The following STRBP variants were observed in gnomAD, a reference collection of about 807,000 sequenced individuals.
STRBP encodes the protein spermatid perinuclear RNA-binding protein.
Under a neutral mutation model 80.1 loss-of-function variants are expected in STRBP, and 13 were observed. The observed-to-expected ratio is 0.16, with a 90% CI of 0.11 to 0.26. STRBP has a LOEUF of 0.26. STRBP is among the 10% of genes least tolerant of loss of function. The pLI is 1.00. For missense variants in STRBP, 485 were observed against 815.2 expected, an observed-to-expected ratio of 0.59 and a Z score of 4.93; for synonymous variants, 284 against 291.2, an observed-to-expected ratio of 0.98 and a Z score of 0.25.
In STRBP at chr9:123,123,451, A is replaced by G. The variant is rs746163296; in HGVS notation, c.*2146T>C. ...AAGGACTGACAGCTCGATTATTTTA[A>G]GTAAAGCAGAGAAATGTAAAAGTTT... On this transcript the variant is annotated 3_prime_UTR_variant, in exon 19 of 19. Transcript: ENST00000348403. The G allele has an allele frequency of 1.4e-4, 134 of 985,278 alleles. No individual in the cohort carries two copies. Among genetic ancestry groups the G allele is most frequent in the Non-Finnish European group, 1.5e-4 (128 of 829,942 alleles). The allele number at this position is 985,278 out of a possible 1,614,324, so 61.0% of individuals were successfully genotyped here.
In STRBP at chr9:123,110,402, C is replaced by T. The variant is rs954139805; in HGVS notation, c.*85-649G>A. On this transcript the variant is annotated intron_variant and NMD_transcript_variant, in intron 3 of 3. Transcript: ENST00000471564. This position sits in a 1 kb window ranked among gnomAD's most constrained non-coding sequence, Gnocchi z 4.1. ...CACTGTTCCTGGAAGTACGATTGCC[C>T]TAATTTATGGTTACCTCAGGAAACC... 4.1e-5 allele frequency: 7 copies of T among 168,952 alleles called. No homozygotes were observed. Among genetic ancestry groups the T allele is most frequent in the African/African-American group, 1.4e-4 (6 of 41,502 alleles). 10.5% of individuals were successfully genotyped at this position (168,952 alleles called of 1,614,324 possible).
intron 2 of STRBP, among the ~76,000 whole-genome samples, chr9:123,231,549 T>C (rs987873935): frequency 6.6e-6 from 1 of 152,212 alleles, no homozygotes; most frequent in African/African-American, 2.4e-5. Flanking sequence ...TTGGCTAGTA[T>C]ACCAATTAAT....
At position 123,124,345 on chromosome 9, in the gene STRBP, A is replaced by G; in HGVS notation, c.*1252T>C. On this transcript the variant is annotated 3_prime_UTR_variant, in exon 19 of 19. Transcript: ENST00000348403. Reference sequence around the variant, plus strand: ...TTAATGAAACCATTGACCTAGTAACATCATTGGCTTTCCAAACAAGGTGAG... The same window carrying G: ...TTAATGAAACCATTGACCTAGTAACGTCATTGGCTTTCCAAACAAGGTGAG... The G allele has an allele frequency of 1.0e-6, 1 of 985,472 alleles. No individual in the cohort carries two copies. The allele number at this position is 985,472 out of a possible 1,614,324, so 61.0% of individuals were successfully genotyped here. A position where few individuals can be genotyped will look rare whatever the true frequency, so the allele number is the denominator to read the frequency against.
At chr9:123,111,416 GAAAAGA>G (rs1210477722) in intron 3 of STRBP, 1 of 308,696 alleles carries the variant, frequency 3.2e-6, no homozygotes, top group African/African-American at 2.3e-5. Flanking sequence ...CATGAACAAG[GAAAAGA>G]AAAAGAGTCT....
intron 4 of STRBP, among the ~76,000 whole-genome samples, chr9:123,176,978 T>C (rs562030204): frequency 6.6e-6 from 1 of 152,328 alleles, no homozygotes; most frequent in South Asian, 2.1e-4. Context: ...AAAAGCTGCC[T>C]AACCGTGCCT....
chr9:123,152,404 T>C (rs934399278), intron 11 of STRBP, among the ~76,000 whole-genome samples: 8 of 152,062 alleles, frequency 5.3e-5, no homozygotes, highest in African/African-American at 1.9e-4. Flanking sequence ...TATATATAAA[T>C]ATACACACGT....
chr9:123,198,416 G>A (rs888095906), intron 2 of STRBP, among the ~76,000 whole-genome samples: 1 of 152,032 alleles, frequency 6.6e-6, no homozygotes, highest in Non-Finnish European at 1.5e-5. Flanking sequence ...GGGATTACAG[G>A]TGTGAGCCAC....
At chr9:123,253,751 T>G (rs889125322) in intron 1 of STRBP, among the ~76,000 whole-genome samples, 1 of 152,246 alleles carries the variant, frequency 6.6e-6, no homozygotes, top group Admixed American at 6.5e-5. Context: ...CACTATTAAA[T>G]AGCATAAGAA....
chr9:123,164,242 TCACCATGTTGGC>T (rs2037655288), intron 6 of STRBP, among the ~76,000 whole-genome samples: 1 of 152,144 alleles, frequency 6.6e-6, no homozygotes, highest in African/African-American at 2.4e-5. Flanking sequence ...AGATGGGGTT[TCACCATGTTGGC>T]CAGACTGGAC....
chr9:123,135,588 A>G (rs1325910041), intron 16 of STRBP, among the ~76,000 whole-genome samples: 2 of 152,158 alleles, frequency 1.3e-5, no homozygotes, highest in Non-Finnish European at 2.9e-5. Context: ...GCCAAATTTT[A>G]TGCGGTCGGC....
intron 5 of STRBP, among the ~76,000 whole-genome samples, chr9:123,173,441 A>G (rs997476268): frequency 2.0e-5 from 3 of 152,158 alleles, no homozygotes; most frequent in African/African-American, 7.2e-5. Context: ...TACAACGGAA[A>G]AGTTTAAGAT....
At chr9:123,150,885 A>G (rs2037028542) in intron 11 of STRBP, among the ~76,000 whole-genome samples, 1 of 152,220 alleles carries the variant, frequency 6.6e-6, no homozygotes, top group African/African-American at 2.4e-5. Flanking sequence ...CAAGGATGAA[A>G]GCCCAGCTTC....
At chr9:123,131,065 G>A (rs1447065297) in intron 17 of STRBP, among the ~76,000 whole-genome samples, 1 of 152,024 alleles carries the variant, frequency 6.6e-6, no homozygotes, top group Non-Finnish European at 1.5e-5. Context: ...AGTGAACTTA[G>A]GATACCCATC....
intron 3 of STRBP, chr9:123,111,291 C>A: frequency 4.1e-6 from 1 of 243,798 alleles, no homozygotes; most frequent in Non-Finnish European, 8.7e-6. Context: ...CACGAGATAC[C>A]CAGAACAGAG....
At chr9:123,169,156 T>A (rs183213878) in intron 6 of STRBP, among the ~76,000 whole-genome samples, 67 of 151,780 alleles carry the variant, frequency 4.4e-4, no homozygotes, top group African/African-American at 1.3e-3. Flanking sequence ...TCAAGAGCAA[T>A]ATGATGCAAA....
chr9:123,230,299 G>A (rs549407550), intron 2 of STRBP, among the ~76,000 whole-genome samples: 35 of 152,242 alleles, frequency 2.3e-4, no homozygotes, highest in African/African-American at 7.5e-4. Flanking sequence ...TCCAGTCTCC[G>A]AGCAGCAACT....
chr9:123,147,272 G>C (rs2132352235), intron 12 of STRBP, among the ~76,000 whole-genome samples: 1 of 152,138 alleles, frequency 6.6e-6, no homozygotes, highest in South Asian at 2.1e-4. Context: ...ATTTTCGCTT[G>C]TCAATATAAA....
At chr9:123,148,556 A>G (rs1342691176) in intron 11 of STRBP, among the ~76,000 whole-genome samples, 1 of 152,234 alleles carries the variant, frequency 6.6e-6, no homozygotes, top group Non-Finnish European at 1.5e-5. Context: ...TTTTTACTTA[A>G]TATCATTTCA....
At chr9:123,120,375 A>G (rs2035711382), downstream of STRBP, among the ~76,000 whole-genome samples, 1 of 151,586 alleles carries the variant, frequency 6.6e-6, no homozygotes, top group Admixed American at 6.6e-5. Flanking sequence ...CATCAGATGA[A>G]TGGGAATTAG....
Sources: allele counts gnomAD v4.1 joint callset (sites outside exome capture counted in the v4.1 genomes callset), GRCh38; gene constraint gnomAD v4.1.1; non-coding constraint Gnocchi (gnomAD v3.1); transcripts MANE v1.5; gene names NCBI Gene and HGNC (gene_info 2026-07-23, HGNC 2026-07-21).